Variants in KDM4C observed in about 807,000 individuals in gnomAD.
The protein encoded by KDM4C is lysine-specific demethylase 4C.
Under a neutral mutation model 129.3 loss-of-function variants are expected in KDM4C, and 81 were observed. That is an observed-to-expected ratio of 0.63 (90% confidence interval 0.52 to 0.75). KDM4C has a LOEUF of 0.75. Among genes scored for constraint, KDM4C ranks in the 30% least tolerant of loss-of-function variants. The pLI, the probability that KDM4C is intolerant of heterozygous loss-of-function variation, is 0.00. For missense variants in KDM4C, 1,457 were observed against 1,304.0 expected (o/e 1.12, Z -1.81); for synonymous variants, 573 against 456.1 (o/e 1.26, Z -3.26).
chr9:6,956,130 T>G (rs1008025760), intron 8 of KDM4C, among the ~76,000 whole-genome samples: 7 of 151,180 alleles, frequency 4.6e-5, no homozygotes, highest in Admixed American at 3.3e-4. Context: ...GATGGGGAGG[T>G]GGGGATGGTT....
At chr9:7,077,096 C>T in intron 17 of KDM4C, 1 of 985,452 alleles carries the variant, frequency 1.0e-6, no homozygotes, top group East Asian at 1.1e-4. Flanking sequence ...AAAGTTCTAT[C>T]TGGGTGATAT....
intron 19 of KDM4C, among the ~76,000 whole-genome samples, chr9:7,160,634 C>T (rs1843685739): frequency 6.6e-6 from 1 of 152,190 alleles, no homozygotes. Context: ...ACTCCAGACC[C>T]TGTTTGCCTG....
chr9:7,053,187 A>G (rs1195682188), intron 17 of KDM4C, among the ~76,000 whole-genome samples: 1 of 152,228 alleles, frequency 6.6e-6, no homozygotes, highest in Non-Finnish European at 1.5e-5. Context: ...GCTCATTATT[A>G]GCAGTCTTTC....
chr9:7,005,304 G>T (rs567182181), intron 12 of KDM4C, among the ~76,000 whole-genome samples: 1 of 151,840 alleles, frequency 6.6e-6, no homozygotes, highest in Non-Finnish European at 1.5e-5. Flanking sequence ...GCGTGGTGGC[G>T]CATGCCTGTA....
At chr9:6,920,591 C>A (rs1037879068) in intron 8 of KDM4C, among the ~76,000 whole-genome samples, 1 of 151,730 alleles carries the variant, frequency 6.6e-6, no homozygotes, top group African/African-American at 2.4e-5. Flanking sequence ...GAAATAGAAA[C>A]TTGTATATCA....
chr9:6,947,552 G>C (rs1312107446), intron 8 of KDM4C, among the ~76,000 whole-genome samples: 1 of 151,708 alleles, frequency 6.6e-6, no homozygotes, highest in African/African-American at 2.4e-5. Flanking sequence ...TGGTCATTTA[G>C]ATTTTTAAAA....
chr9:6,807,439 G>A (rs1409821311), intron 3 of KDM4C, among the ~76,000 whole-genome samples: 1 of 143,852 alleles, frequency 7.0e-6, no homozygotes, highest in African/African-American at 2.6e-5. Context: ...GAAGTGAGGA[G>A]CGCCTCTTCC....
chr9:6,875,975 C>T (rs1053752247), intron 5 of KDM4C, among the ~76,000 whole-genome samples: 1 of 152,102 alleles, frequency 6.6e-6, no homozygotes, highest in East Asian at 1.9e-4. Flanking sequence ...TGCGTTTGCT[C>T]GGGCCTGTGA....
intron 1 of KDM4C, among the ~76,000 whole-genome samples, chr9:6,780,809 A>G (rs1824183500): frequency 6.8e-6 from 1 of 147,954 alleles, no homozygotes; most frequent in South Asian, 2.1e-4. Context: ...CTTTAATCAT[A>G]TTTGGAATGT....
chr9:7,084,242 C>T (rs1834865968), intron 17 of KDM4C, among the ~76,000 whole-genome samples: 1 of 152,172 alleles, frequency 6.6e-6, no homozygotes, highest in African/African-American at 2.4e-5. Flanking sequence ...CACCATCTCT[C>T]TTTGTTTTCC....
chr9:7,021,604 C>T (rs1193032584), intron 15 of KDM4C, among the ~76,000 whole-genome samples: 1 of 152,166 alleles, frequency 6.6e-6, no homozygotes, highest in Non-Finnish European at 1.5e-5. Flanking sequence ...TTCTCCCTTT[C>T]TGTGGGTTGT....
intron 12 of KDM4C, among the ~76,000 whole-genome samples, chr9:7,010,473 C>T (rs895000609): frequency 3.3e-5 from 5 of 152,184 alleles, no homozygotes; most frequent in Admixed American, 6.5e-5. Flanking sequence ...GGTAAGTCAA[C>T]ATGGGAAGGG....
At chr9:6,747,539 C>CAAAAAAAAA (rs35996555) in intron 1 of KDM4C, among the ~76,000 whole-genome samples, 6 of 98,002 alleles carry the variant, frequency 6.1e-5, no homozygotes, top group East Asian at 3.0e-4. Context: ...CAGGGCGATT[C>CAAAAAAAAA]AAAAAAAAAA....
intron 17 of KDM4C, among the ~76,000 whole-genome samples, chr9:7,100,885 C>G (rs1022935934): frequency 6.6e-6 from 1 of 151,922 alleles, no homozygotes; most frequent in Non-Finnish European, 1.5e-5. Context: ...ATATTCTTTG[C>G]CAAACACTTA....
chr9:7,068,686 CTTTTTTTTTTTTTTTT>C (rs542039227), intron 17 of KDM4C, among the ~76,000 whole-genome samples: 13 of 101,766 alleles, frequency 1.3e-4, no homozygotes, highest in South Asian at 6.4e-4. Context: ...GATGCCCTTT[CTTTTTTTTTTTTTTTT>C]TTTTTTTTTT....
At position 6,721,032 on chromosome 9, in the gene KDM4C, T is replaced by C; in HGVS notation, c.49+35T>C. 7 of 1,527,334 alleles carry C rather than the reference T, an allele frequency of 4.6e-6. No individual in the cohort carries two copies. In the South Asian group the frequency reaches 8.4e-5, roughly 18 times the overall value. 94.6% of individuals were successfully genotyped at this position (1,527,334 alleles called of 1,614,324 possible). On this transcript the variant is annotated intron_variant, in intron 1 of 17. Transcript: ENST00000536108. ...GCTCTGAACATAATCCAGGACACTT[T>C]GTACATAGTTGGTGGTTCTGTCACA...
intron 19 of KDM4C, among the ~76,000 whole-genome samples, chr9:7,128,463 C>T (rs1840264638): frequency 6.6e-6 from 1 of 152,136 alleles, no homozygotes; most frequent in East Asian, 1.9e-4. Flanking sequence ...GCCCTCACGA[C>T]CTAATCACCT....
intron 1 of KDM4C, among the ~76,000 whole-genome samples, chr9:6,748,206 A>T (rs117406096): frequency 0.019 from 2,767 of 148,284 alleles, 35 homozygotes; most frequent in Non-Finnish European, 0.031. Context: ...AACAACAATT[A>T]AAAAAAAACA....
chr9:6,907,695 G>A (rs970304842), intron 8 of KDM4C, among the ~76,000 whole-genome samples: 1 of 152,152 alleles, frequency 6.6e-6, no homozygotes, highest in Admixed American at 6.5e-5. Context: ...GAAGTAAACA[G>A]CACTAATACA....
Sources: allele counts gnomAD v4.1 joint callset (sites outside exome capture counted in the v4.1 genomes callset), GRCh38; gene constraint gnomAD v4.1.1; transcripts MANE v1.5; gene names NCBI Gene and HGNC (gene_info 2026-07-23, HGNC 2026-07-21).